Variants in CACNA2D1 observed in about 807,000 individuals in gnomAD.
The protein encoded by CACNA2D1 is calcium voltage-gated channel auxiliary subunit alpha2delta 1.
Under a neutral mutation model 171.5 loss-of-function variants are expected in CACNA2D1, and 53 were observed. That is an observed-to-expected ratio of 0.31 (90% CI 0.25 to 0.39). The LOEUF is 0.39. CACNA2D1 is among the 10% of genes least tolerant of loss of function. The probability of loss-of-function intolerance (pLI) is 1.00; values close to 1 mark genes in which losing one functional copy is unlikely to be tolerated. For missense variants in CACNA2D1, 903 were observed against 1,299.8 expected, an observed-to-expected ratio of 0.69 and a Z score of 4.69; for synonymous variants, 442 against 443.1, an observed-to-expected ratio of 1.00 and a Z score of 0.03.
intron 10 of CACNA2D1, among the ~76,000 whole-genome samples, chr7:82,042,672 C>A (rs1804103147): frequency 6.6e-6 from 1 of 152,092 alleles, no homozygotes; most frequent in African/African-American, 2.4e-5. Context: ...ATTTCTACTC[C>A]AGCATTGGGG....
intron 3 of CACNA2D1, among the ~76,000 whole-genome samples, chr7:82,231,705 A>C (rs895406274): frequency 2.0e-5 from 3 of 152,166 alleles, no homozygotes; most frequent in Non-Finnish European, 2.9e-5. Context: ...CCCATCCCAT[A>C]TGGAAAGAAC....
At chr7:82,010,755 C>A (rs1440796651) in intron 15 of CACNA2D1, among the ~76,000 whole-genome samples, 2 of 152,248 alleles carry the variant, frequency 1.3e-5, no homozygotes, top group South Asian at 4.1e-4. Context: ...CTTCTAACTT[C>A]CTGTATATGT....
intron 3 of CACNA2D1, among the ~76,000 whole-genome samples, chr7:82,195,389 G>A (rs1335333579): frequency 6.6e-6 from 1 of 151,962 alleles, no homozygotes; most frequent in East Asian, 1.9e-4. Context: ...ATCACCTTTG[G>A]TGATGAAGGA....
In CACNA2D1 at chr7:82,170,680, C is replaced by G. The variant is rs73387972; in HGVS notation, c.295-71G>C. ...ATGGAATTGTTATATAAAATGCTTGCGCTTTCTAATCAATTTTGAGGACAT... is the reference window on the plus strand; with the variant it reads ...ATGGAATTGTTATATAAAATGCTTGGGCTTTCTAATCAATTTTGAGGACAT... On this transcript the variant is annotated intron_variant, in intron 3 of 38. Coordinates refer to ENST00000356860, the MANE Select transcript of CACNA2D1 (RefSeq NM_000722.4). 43,306 of 1,355,982 alleles carry G rather than the reference C, an allele frequency of 0.032. 1,567 individuals carry two copies. Among genetic ancestry groups the G allele is most frequent in the African/African-American group, 0.17 (11,903 of 69,856 alleles). The allele number at this position is 1,355,982 out of a possible 1,614,324, so 84.0% of individuals were successfully genotyped here.
intron 3 of CACNA2D1, among the ~76,000 whole-genome samples, chr7:82,228,386 G>A (rs925619002): frequency 1.3e-5 from 2 of 152,086 alleles, no homozygotes; most frequent in African/African-American, 2.4e-5. Context: ...CCCAATTCCT[G>A]ACCTATGGAA....
At chr7:82,226,126 CT>C (rs1802337099) in intron 3 of CACNA2D1, among the ~76,000 whole-genome samples, 1 of 152,108 alleles carries the variant, frequency 6.6e-6, no homozygotes, top group Non-Finnish European at 1.5e-5. Flanking sequence ...TCTTGGACTT[CT>C]TTTGCAAAGC....
At chr7:82,111,428 G>GTATATATATATATATATATA (rs1201539599) in intron 6 of CACNA2D1, among the ~76,000 whole-genome samples, 1 of 50,416 alleles carries the variant, frequency 2.0e-5, no homozygotes, top group African/African-American at 9.5e-5. Context: ...ATATATGTGT[G>GTATATATATATATATATATA]TATATATATA....
intron 1 of CACNA2D1, among the ~76,000 whole-genome samples, chr7:82,372,296 T>C (rs1423672603): frequency 6.6e-6 from 1 of 152,126 alleles, no homozygotes; most frequent in African/African-American, 2.4e-5. Context: ...TAAATTCTGT[T>C]CCAAGGCAAC....
chr7:82,218,874 T>TGATATAATAAAAAA (rs1801458590), intron 3 of CACNA2D1, among the ~76,000 whole-genome samples: 1 of 152,124 alleles, frequency 6.6e-6, no homozygotes, highest in Non-Finnish European at 1.5e-5. Flanking sequence ...GTTATGTATT[T>TGATATAATAAAAAA]TCATTAATTT....
intron 1 of CACNA2D1, among the ~76,000 whole-genome samples, chr7:82,427,996 C>T (rs1286506686): frequency 6.6e-6 from 1 of 151,944 alleles, no homozygotes; most frequent in African/African-American, 2.4e-5. Flanking sequence ...TGAGACGAGC[C>T]TGGCCAACAT....
rs978335811 is a variant in CACNA2D1 at position 82,417,446 on chromosome 7, C to T, written c.95+25919G>A. On this transcript the variant is annotated intron_variant, in intron 1 of 38. Transcript: ENST00000356860. ...CCAATTTACCTGTTTTAATAGCATA[C>T]TCGTTATCAGGAATTAATGAATAAA... 1.2e-4 allele frequency among the ~76,000 whole-genome samples: 18 copies of T among 152,252 alleles called. No individual in the cohort carries two copies. In the South Asian group the frequency reaches 1.9e-3, roughly 16 times the overall value.
At chr7:82,437,481 T>G (rs1830193348) in intron 1 of CACNA2D1, among the ~76,000 whole-genome samples, 1 of 152,144 alleles carries the variant, frequency 6.6e-6, no homozygotes, top group East Asian at 1.9e-4. Context: ...TATCCTAATT[T>G]TTTAAATCCA....
chr7:81,959,412 T>A, intron 37 of CACNA2D1, 55 bp from the exon 38 acceptor site: 2 of 1,174,556 alleles, frequency 1.7e-6, no homozygotes, highest in Non-Finnish European at 2.6e-6. Context: ...TGATTAAAAA[T>A]AAATACAATG....
At chr7:82,231,885 G>A (rs191514336) in intron 3 of CACNA2D1, among the ~76,000 whole-genome samples, 54 of 152,188 alleles carry the variant, frequency 3.5e-4, no homozygotes, top group African/African-American at 1.2e-3. Context: ...TTATGTCATA[G>A]ACATTTTACA....
chr7:82,111,564 C>CT lies in CACNA2D1; in HGVS notation c.526+5479dup, dbSNP rs542612660. On this transcript the variant is annotated intron_variant, in intron 6 of 38. Coordinates refer to ENST00000356860, the MANE Select transcript of CACNA2D1 (RefSeq NM_000722.4). ...CTGGGCTCACATGAACCTCCAACCTCTGCCTTCCAAGGAGCTGGGACTATA... is the reference window on the plus strand; with the variant it reads ...CTGGGCTCACATGAACCTCCAACCTCTTGCCTTCCAAGGAGCTGGGACTATA... 1.5e-3 allele frequency among the ~76,000 whole-genome samples: 221 copies of CT among 150,518 alleles called. 2 individuals carry two copies. In the East Asian group the frequency reaches 0.015, roughly 10 times the overall value.
rs983670479 is a variant in CACNA2D1, at chr7:82,228,869, A to G, written c.295-58260T>C. Among the ~76,000 whole-genome samples, 3 of 152,186 alleles carry G rather than the reference A, an allele frequency of 2.0e-5. No homozygotes were observed. The East Asian group carries it at 5.8e-4, about 29-fold the overall frequency. On this transcript the variant is annotated intron_variant, in intron 3 of 38. Coordinates refer to ENST00000356860, the MANE Select transcript of CACNA2D1 (RefSeq NM_000722.4). Reference sequence around the variant, plus strand: ...AATAGCAGTGCCTGTGCCCCACTCCATATCAATCATACTGGGATCTCTGGT... The same window carrying G: ...AATAGCAGTGCCTGTGCCCCACTCCGTATCAATCATACTGGGATCTCTGGT...
At chr7:82,374,107 C>G (rs1426951507) in intron 1 of CACNA2D1, among the ~76,000 whole-genome samples, 1 of 152,180 alleles carries the variant, frequency 6.6e-6, no homozygotes, top group Non-Finnish European at 1.5e-5. Context: ...TCCAATATAG[C>G]TTACTTGCCA....
chr7:82,282,929 G>T (rs1228011271), intron 3 of CACNA2D1, among the ~76,000 whole-genome samples: 1 of 152,032 alleles, frequency 6.6e-6, no homozygotes, highest in African/African-American at 2.4e-5. Flanking sequence ...CCTAATATAA[G>T]AATCAAATTA....
chr7:82,147,949 T>C (rs1793336010), intron 4 of CACNA2D1, among the ~76,000 whole-genome samples: 2 of 152,182 alleles, frequency 1.3e-5, no homozygotes. Flanking sequence ...AACATTCACA[T>C]ATATACAGTA....
Sources: allele counts gnomAD v4.1 joint callset (sites outside exome capture counted in the v4.1 genomes callset), GRCh38; gene constraint gnomAD v4.1.1; transcripts MANE v1.5; gene names NCBI Gene and HGNC (gene_info 2026-07-23, HGNC 2026-07-21).